SAMD12: variants seen among roughly 807,000 people sequenced by gnomAD.
The protein encoded by SAMD12 is sterile alpha motif domain-containing protein 12.
Under a neutral mutation model 15.0 loss-of-function variants are expected in SAMD12, and 9 were observed. The observed-to-expected ratio is 0.60, with a 90% confidence interval of 0.36 to 1.05. SAMD12 has a LOEUF of 1.05. SAMD12 is among the 50% of genes least tolerant of loss of function. The probability of loss-of-function intolerance (pLI) is 0.01; values close to 1 mark genes in which losing one functional copy is unlikely to be tolerated. For missense variants in SAMD12, 230 were observed against 234.2 expected (o/e 0.98, Z 0.12); for synonymous variants, 86 against 90.1 (o/e 0.96, Z 0.25).
chr8:118,444,683 T>C (rs551785633), intron 2 of SAMD12, among the ~76,000 whole-genome samples: 39 of 152,310 alleles, frequency 2.6e-4, no homozygotes, highest in African/African-American at 7.9e-4. Flanking sequence ...ACTTGAAGCT[T>C]TTCTGCTAAG....
intron 4 of SAMD12, among the ~76,000 whole-genome samples, chr8:118,305,279 ATAAT>A (rs1024343465): frequency 6.6e-6 from 1 of 151,928 alleles, no homozygotes; most frequent in African/African-American, 2.4e-5. Context: ...AACCTGTTAA[ATAAT>A]TATTCTCCAT....
At chr8:118,151,755 G>T in the SAMD12 span, among the ~76,000 whole-genome samples, 1 of 151,838 alleles carries the variant, frequency 6.6e-6, no homozygotes, top group South Asian at 2.1e-4. Flanking sequence ...GCATGAACCC[G>T]GGAAGCAGAG....
At chr8:118,379,771 T>C in intron 3 of SAMD12, 71 bp from the exon 4 acceptor site, 1 of 1,553,336 alleles carries the variant, frequency 6.4e-7, no homozygotes, top group African/African-American at 1.4e-5. Flanking sequence ...CATTTTGGTC[T>C]TGACTAACCC....
the SAMD12 span, among the ~76,000 whole-genome samples, chr8:118,165,189 C>T: frequency 2.0e-5 from 3 of 152,078 alleles, no homozygotes; most frequent in Admixed American, 6.6e-5. Flanking sequence ...GACTGACAGG[C>T]TATAAATTGA....
At chr8:118,485,818 G>C (rs1824261560) in intron 2 of SAMD12, among the ~76,000 whole-genome samples, 1 of 152,156 alleles carries the variant, frequency 6.6e-6, no homozygotes, top group Admixed American at 6.5e-5. Context: ...TCCAAACACA[G>C]CTGACTGGTT....
intron 4 of SAMD12, among the ~76,000 whole-genome samples, chr8:118,349,631 C>T (rs77800571): frequency 0.018 from 2,718 of 152,314 alleles, 73 homozygotes; most frequent in African/African-American, 0.06. Context: ...ACACTGAGCT[C>T]AGTGCTTGGC....
At chr8:118,572,454 T>C (rs559712737) in intron 2 of SAMD12, among the ~76,000 whole-genome samples, 1 of 152,276 alleles carries the variant, frequency 6.6e-6, no homozygotes, top group Non-Finnish European at 1.5e-5. Flanking sequence ...CAGGATGATA[T>C]GGTTTGGCTG....
At position 118,538,085 on chromosome 8, in the gene SAMD12, CAGA is replaced by C. The variant is rs1010957312; in HGVS notation, c.192+42627_192+42629del. On this transcript the variant is annotated intron_variant, in intron 2 of 3. Transcript: ENST00000314727. ...CACATTGGTGGTCTTGAGTAAAATCCAGAAGAATTCCCTGGATTACCAGGAAAG... is the reference window on the plus strand; with the variant it reads ...CACATTGGTGGTCTTGAGTAAAATCCAGAATTCCCTGGATTACCAGGAAAG... Among the ~76,000 whole-genome samples, 7 of 152,280 alleles carry C rather than the reference CAGA, an allele frequency of 4.6e-5. No homozygotes were observed. In the South Asian group the frequency reaches 6.2e-4, roughly 14 times the overall value.
chr8:118,585,709 G>A (rs770342203), intron 1 of SAMD12, among the ~76,000 whole-genome samples: 5 of 152,180 alleles, frequency 3.3e-5, no homozygotes, highest in Non-Finnish European at 5.9e-5. Flanking sequence ...TCCAAAACAG[G>A]TCTTGTCCTA....
In SAMD12 at chr8:118,431,985, ACCT is replaced by A. The variant is rs532186862; in HGVS notation, c.322+7844_322+7846del. On this transcript the variant is annotated intron_variant, in intron 3 of 3. Transcript: ENST00000314727. ...TGGTTTGGGTGGTTTCTATTGATTT[ACCT>A]CCAAGTTCACTGATTCTTTCCATGG... Among the ~76,000 whole-genome samples the A allele has an allele frequency of 6.7e-3, 1,021 of 152,174 alleles. 14 individuals are homozygous for A. Among genetic ancestry groups the A allele is most frequent in the African/African-American group, 0.021 (871 of 41,526 alleles).
downstream of SAMD12, among the ~76,000 whole-genome samples, chr8:118,185,288 T>C (rs953713114): frequency 1.3e-5 from 2 of 152,318 alleles, no homozygotes; most frequent in East Asian, 1.9e-4. Context: ...TTCGATTACA[T>C]GAATAAGTTA....
At chr8:118,449,940 G>A (rs992439135) in intron 2 of SAMD12, among the ~76,000 whole-genome samples, 4 of 152,018 alleles carry the variant, frequency 2.6e-5, no homozygotes, top group Non-Finnish European at 5.9e-5. Flanking sequence ...GCAATGACAC[G>A]GTATCACCTT....
chr8:118,422,575 C>T (rs542745066), intron 3 of SAMD12, among the ~76,000 whole-genome samples: 71 of 152,170 alleles, frequency 4.7e-4, no homozygotes, highest in Admixed American at 3.9e-3. Flanking sequence ...ATGAAGCTGA[C>T]GAAAAACCTC....
intron 4 of SAMD12, among the ~76,000 whole-genome samples, chr8:118,199,657 G>A (rs1819657587): frequency 6.6e-6 from 1 of 152,132 alleles, no homozygotes; most frequent in African/African-American, 2.4e-5. Context: ...TCCTACAATG[G>A]TCTCTAGTAG....
At chr8:118,307,978 C>T (rs1815431927) in intron 4 of SAMD12, among the ~76,000 whole-genome samples, 1 of 152,210 alleles carries the variant, frequency 6.6e-6, no homozygotes, top group African/African-American at 2.4e-5. Context: ...CTTATGACAG[C>T]CCTCTTTCCA....
intron 3 of SAMD12, among the ~76,000 whole-genome samples, chr8:118,404,788 GT>G (rs1821045681): frequency 1.3e-5 from 2 of 152,062 alleles, no homozygotes; most frequent in Admixed American, 1.3e-4. Context: ...AGCTCTACAA[GT>G]CCATTACTTT....
intron 2 of SAMD12, among the ~76,000 whole-genome samples, chr8:118,572,440 G>T (rs1249308230): frequency 6.6e-6 from 1 of 152,162 alleles, no homozygotes; most frequent in African/African-American, 2.4e-5. Context: ...GGAGGGGCCA[G>T]GGGCAGGATG....
chr8:118,550,910 C>G (rs1301704269), intron 2 of SAMD12, among the ~76,000 whole-genome samples: 2 of 149,866 alleles, frequency 1.3e-5, no homozygotes, highest in African/African-American at 5.0e-5. Context: ...TTTAAACCAA[C>G]AAAGATCAAA....
At chr8:118,145,662 A>T in the SAMD12 span, among the ~76,000 whole-genome samples, 1 of 152,212 alleles carries the variant, frequency 6.6e-6, no homozygotes, top group African/African-American at 2.4e-5. Context: ...AGGAAGCGGG[A>T]TTGGACAAGG....
Sources: gnomAD v4.1 joint callset for allele counts (sites outside exome capture counted in the v4.1 genomes callset) on GRCh38, gnomAD v4.1.1 for gene constraint, MANE v1.5 for transcripts, NCBI Gene and HGNC (gene_info 2026-07-23, HGNC 2026-07-21) for gene names.